The following POLN variants were observed in gnomAD, a reference collection of about 807,000 sequenced individuals.
POLN encodes the protein DNA polymerase N.
Under a neutral mutation model 113.5 loss-of-function variants are expected in POLN, and 108 were observed. That is an observed-to-expected ratio of 0.95 (90% CI 0.81 to 1.12). The LOEUF is 1.12. POLN is among the 50% of genes most tolerant of loss of function. POLN has a pLI of 0.00. For missense variants in POLN, 1,097 were observed against 1,077.1 expected (o/e 1.02, Z -0.26); for synonymous variants, 386 against 391.5 (o/e 0.99, Z 0.17).
chr4:2,189,162 A>G lies in POLN; in HGVS notation c.1021+4042T>C, dbSNP rs116683389. Among the ~76,000 whole-genome samples the G allele has an allele frequency of 2.4e-3, 365 of 152,338 alleles. 1 individual carries two copies. The highest frequency in any genetic ancestry group is 8.4e-3 in the African/African-American group (348 of 41,576). ...CCACAAGTAACAAAATGGTAGTAAT[A>G]AGTCCTCACCTACCAATAACATTGA... On this transcript the variant is annotated intron_variant, in intron 7 of 25. Coordinates refer to ENST00000511885, the MANE Select transcript of POLN (RefSeq NM_181808.4).
chr4:2,096,164 C>T lies in POLN; in HGVS notation c.1983-231G>A, dbSNP rs28435990. Among the ~76,000 whole-genome samples the T allele has an allele frequency of 5.9e-3, 900 of 152,342 alleles. 9 individuals carry two copies. The highest frequency in any genetic ancestry group is 0.02 in the African/African-American group (851 of 41,578). ...AGCAGCTGCTGCCAGCCAAGCACCA[C>T]CCCACGTTCCCAGGTGTCCACAAAT... On this transcript the variant is annotated intron_variant, in intron 19 of 25. Coordinates refer to ENST00000511885, the MANE Select transcript of POLN (RefSeq NM_181808.4).
In POLN at chr4:2,126,903, G is replaced by A. The variant is rs1577708914; in HGVS notation, c.1982+1210C>T. ...CAGCCAGAGCCCTCGCAGGTCCCCC[G>A]CCTTCAGCAAAGACAGAGGCGGAGA... On this transcript the variant is annotated intron_variant, in intron 19 of 25. Transcript: ENST00000511885. This position sits in a 1 kb window ranked among gnomAD's most constrained non-coding sequence, Gnocchi z 4.6. Among the ~76,000 whole-genome samples the A allele has an allele frequency of 1.3e-5, 2 of 152,136 alleles. No homozygotes were observed. The highest frequency in any genetic ancestry group is 4.8e-5 in the African/African-American group (2 of 41,424).
At position 2,240,728 on chromosome 4, in the gene POLN, T is replaced by C. The variant is rs750730178; in HGVS notation, c.-13+792A>G. 16 of 1,613,948 alleles carry C rather than the reference T, an allele frequency of 9.9e-6. No homozygotes were observed. In the South Asian group the frequency reaches 1.8e-4, roughly 18 times the overall value. The stretch of plus-strand genomic sequence containing the variant: ...TAAGAGCTTCATCCAATGCCGCCCC[T>C]TCTAGAATAGGCTTGCCTGATTTCT... On this transcript the variant is annotated intron_variant, in intron 2 of 25. Transcript: ENST00000511885.
chr4:2,142,965 C>A (rs1417401848), intron 16 of POLN, among the ~76,000 whole-genome samples: 2 of 151,806 alleles, frequency 1.3e-5, no homozygotes, highest in Non-Finnish European at 2.9e-5. Context: ...TGAGTTCAAT[C>A]TCTCTCCCCT....
At chr4:2,181,999 CAA>C (rs546309359) in intron 7 of POLN, among the ~76,000 whole-genome samples, 15 of 98,858 alleles carry the variant, frequency 1.5e-4, no homozygotes, top group Admixed American at 1.0e-4. Context: ...GACTCCGTCT[CAA>C]AAAAAAAAAA....
At chr4:2,214,467 T>C (rs1184157528) in intron 3 of POLN, among the ~76,000 whole-genome samples, 2 of 152,154 alleles carry the variant, frequency 1.3e-5, no homozygotes, top group African/African-American at 4.8e-5. Flanking sequence ...AACTGCTATA[T>C]TATACAACAA....
intron 23 of POLN, among the ~76,000 whole-genome samples, chr4:2,076,193 G>T (rs1042430502): frequency 3.3e-5 from 5 of 152,188 alleles, no homozygotes; most frequent in South Asian, 2.1e-4. Context: ...CAGGTCCCTG[G>T]GGTGGGGCTC....
chr4:2,148,487 T>C (rs1732205393), intron 16 of POLN, among the ~76,000 whole-genome samples: 1 of 152,042 alleles, frequency 6.6e-6, no homozygotes, highest in African/African-American at 2.4e-5. Context: ...ACCAACATGG[T>C]GAAACCCTGT....
At chr4:2,217,439 G>T (rs1375250427) in intron 3 of POLN, among the ~76,000 whole-genome samples, 1 of 152,152 alleles carries the variant, frequency 6.6e-6, no homozygotes, top group Admixed American at 6.5e-5. Context: ...CACATGAAAA[G>T]CTTGGTTGTG....
intron 23 of POLN, among the ~76,000 whole-genome samples, chr4:2,077,543 G>A (rs1196424919): frequency 1.3e-5 from 2 of 152,268 alleles, no homozygotes; most frequent in East Asian, 1.9e-4. Context: ...CAGAGCCCCA[G>A]GCTGTCAGCA....
intron 5 of POLN, among the ~76,000 whole-genome samples, chr4:2,204,226 C>G (rs1286968875): frequency 6.7e-6 from 1 of 149,456 alleles, no homozygotes; most frequent in Non-Finnish European, 1.5e-5. Context: ...GAGAAAAAAT[C>G]CAAATAAGCT....
At chr4:2,241,817 C>G in intron 1 of POLN, 27 bp from the exon 2 acceptor site, 1 of 985,452 alleles carries the variant, frequency 1.0e-6, no homozygotes, top group African/African-American at 1.7e-5. Context: ...ACAAGCCCAC[C>G]GAATCGCCGT....
chr4:2,238,840 C>T lies in POLN; in HGVS notation c.-13+2680G>A, dbSNP rs773877065. 7.4e-6 allele frequency: 12 copies of T among 1,613,076 alleles called. No homozygotes were observed. The South Asian group carries it at 1.1e-4, about 15-fold the overall frequency. On this transcript the variant is annotated intron_variant, in intron 2 of 25. Transcript: ENST00000511885. ...GTTTTATTAATTGATTTAAAACTAA[C>T]TCTTGTCTTGCTGTATAATAATCTT...
At chr4:2,149,595 G>A (rs970843224) in intron 16 of POLN, among the ~76,000 whole-genome samples, 7 of 152,092 alleles carry the variant, frequency 4.6e-5, no homozygotes, top group South Asian at 2.1e-4. Flanking sequence ...TGGCCTAAAC[G>A]ATATAGGATA....
intron 20 of POLN, chr4:2,090,535 T>C (rs1366179956): frequency 4.1e-6 from 2 of 492,170 alleles, no homozygotes; most frequent in Non-Finnish European, 7.6e-6. Flanking sequence ...ACAAGAATCA[T>C]CCTCTACAGA....
In POLN at chr4:2,173,619, T is replaced by C. The variant is rs527534843; in HGVS notation, c.1374+336A>G. Among the ~76,000 whole-genome samples, 6 of 152,308 alleles carry C rather than the reference T, an allele frequency of 3.9e-5. No individual in the cohort carries two copies. The South Asian group carries it at 1.2e-3, about 32-fold the overall frequency. ...TAGAGCATTTTTAAGTATTTTTTCA[T>C]GCATCTTTACACATCTCTGTATTTT... On this transcript the variant is annotated intron_variant, in intron 11 of 25. Coordinates refer to ENST00000511885, the MANE Select transcript of POLN (RefSeq NM_181808.4).
chr4:2,222,705 T>A (rs934285357), intron 3 of POLN, among the ~76,000 whole-genome samples: 3 of 147,954 alleles, frequency 2.0e-5, no homozygotes, highest in Admixed American at 2.0e-4. Flanking sequence ...CTTTTTTTTT[T>A]TTTTTTTATT....
Position 2,072,080 on chromosome 4 carries a change from G to A in POLN, c.*34C>T, listed in dbSNP as rs1730156795. On this transcript the variant is annotated 3_prime_UTR_variant, in exon 26 of 26. Coordinates refer to ENST00000511885, the MANE Select transcript of POLN (RefSeq NM_181808.4). Reference sequence around the variant, plus strand: ...GGGAAGGCCACACAATGGACTGCTGGAAACCAGTTCTCTCCTCCCACTGTT... The same window carrying A: ...GGGAAGGCCACACAATGGACTGCTGAAAACCAGTTCTCTCCTCCCACTGTT... The A allele has an allele frequency of 6.2e-7, 1 of 1,609,558 alleles. No homozygotes were observed. The highest frequency in any genetic ancestry group is 1.3e-5 in the African/African-American group (1 of 74,950).
chr4:2,123,851 C>A (rs1731511795), intron 19 of POLN, among the ~76,000 whole-genome samples: 1 of 151,416 alleles, frequency 6.6e-6, no homozygotes, highest in South Asian at 2.1e-4. Context: ...AACCTGTATA[C>A]AAATGTGCAT....
Sources: allele counts gnomAD v4.1 joint callset (sites outside exome capture counted in the v4.1 genomes callset), GRCh38; gene constraint gnomAD v4.1.1; non-coding constraint Gnocchi (gnomAD v3.1); transcripts MANE v1.5; gene names NCBI Gene and HGNC (gene_info 2026-07-23, HGNC 2026-07-21).